The following SLC1A1 variants were observed in gnomAD, a reference collection of about 807,000 sequenced individuals.
The protein encoded by SLC1A1 is excitatory amino acid transporter 3.
In SLC1A1, 43 loss-of-function variants were observed where a neutral mutation model predicts 53.3. The ratio of observed to expected loss-of-function variants is 0.81; its 90% confidence interval spans 0.63 to 1.04. SLC1A1 has a LOEUF of 1.04. Ranked by LOEUF, SLC1A1 falls within the 50% of genes least tolerant of loss-of-function variation. The probability of loss-of-function intolerance (pLI) is 0.00; values close to 1 mark genes in which losing one functional copy is unlikely to be tolerated. For synonymous variants in SLC1A1, 307 were observed against 243.2 expected (o/e 1.26, Z -2.44); for missense variants, 748 against 664.9 (o/e 1.12, Z -1.37).
At chr9:4,548,360 C>T (rs140979790) in intron 2 of SLC1A1, among the ~76,000 whole-genome samples, 64 of 152,184 alleles carry the variant, frequency 4.2e-4, no homozygotes, top group African/African-American at 1.3e-3. Context: ...GTTATTAGGC[C>T]GAAGGAGGAT....
At chr9:4,576,390 A>G (rs921341483) in intron 9 of SLC1A1, among the ~76,000 whole-genome samples, 179 bp from the exon 10 acceptor site, 6 of 152,242 alleles carry the variant, frequency 3.9e-5, no homozygotes, top group Admixed American at 2.6e-4. Context: ...GGACCTGCCT[A>G]AAGGGCTAGC....
intron 1 of SLC1A1, among the ~76,000 whole-genome samples, chr9:4,536,936 T>C (rs552869332): frequency 0.02 from 2,998 of 150,784 alleles, 110 homozygotes; most frequent in African/African-American, 0.072. Flanking sequence ...AGCAAACTAT[T>C]GCAAGGACAA....
chr9:4,533,872 G>C lies in SLC1A1; in HGVS notation c.92-10695G>C, dbSNP rs539515982. 1.1e-3 allele frequency among the ~76,000 whole-genome samples: 172 copies of C among 152,298 alleles called. 1 individual carries two copies. Among genetic ancestry groups the C allele is most frequent in the African/African-American group, 3.7e-3 (153 of 41,568 alleles). On this transcript the variant is annotated intron_variant, in intron 1 of 11. Transcript: ENST00000262352. Reference sequence around the variant, plus strand: ...ATAACAAACTGTCTCTCAGACCACAGTGCAATCAAACTAGAACTCAGGATT... The same window carrying C: ...ATAACAAACTGTCTCTCAGACCACACTGCAATCAAACTAGAACTCAGGATT...
Position 4,585,741 on chromosome 9 carries a change from T to G in SLC1A1, c.*183T>G. ...TGCGCTCTGGGTTTTGGGATTTGGGTGTGGGGTAAGTTGAAGGGAAATCAA... is the reference window on the plus strand; with the variant it reads ...TGCGCTCTGGGTTTTGGGATTTGGGGGTGGGGTAAGTTGAAGGGAAATCAA... On this transcript the variant is annotated 3_prime_UTR_variant, in exon 12 of 12. Coordinates refer to ENST00000262352, the MANE Select transcript of SLC1A1 (RefSeq NM_004170.6). 1 of 718,884 alleles carries G rather than the reference T, an allele frequency of 1.4e-6. No homozygotes were observed. Among genetic ancestry groups the G allele is most frequent in the Non-Finnish European group, 2.3e-6 (1 of 438,558 alleles). 44.5% of individuals were successfully genotyped at this position (718,884 alleles called of 1,614,324 possible). A position where few individuals can be genotyped will look rare whatever the true frequency, so the allele number is the denominator to read the frequency against.
Position 4,566,069 on chromosome 9 carries a change from G to C in SLC1A1, c.463G>C (p.Val155Leu), listed in dbSNP as rs761206305. Reference sequence around the variant, plus strand: ...CAGGAATATGTTCCCTGAGAATCTTGTCCAGGCCTGTTTTCAGCAGGTAAT... The same window carrying C: ...CAGGAATATGTTCCCTGAGAATCTTCTCCAGGCCTGTTTTCAGCAGGTAAT... ...LIRNMFPENL[V>L]QACFQQYKTK... is the part of the protein sequence containing the mutation. The change falls in exon 5 of 12, where the codon GTC becomes CTC. Residue 155 changes from valine (V) to leucine (L), a missense_variant. Physicochemically the swap from Val to Leu is conservative, Grantham distance 32 (BLOSUM62 1). Coordinates refer to ENST00000262352, the MANE Select transcript of SLC1A1 (RefSeq NM_004170.6). 47 of 1,613,338 alleles carry C rather than the reference G, an allele frequency of 2.9e-5. No individual in the cohort carries two copies. The Admixed American group carries it at 3.3e-4, about 11-fold the overall frequency.
intron 1 of SLC1A1, among the ~76,000 whole-genome samples, chr9:4,517,263 C>T (rs78930103): frequency 2.0e-5 from 3 of 152,170 alleles, no homozygotes; most frequent in Admixed American, 1.3e-4. Flanking sequence ...ATCTAAAATT[C>T]TTTCTTAATC....
At chr9:4,564,815 G>A (rs1485360350) in intron 4 of SLC1A1, among the ~76,000 whole-genome samples, 2 of 152,098 alleles carry the variant, frequency 1.3e-5, no homozygotes, top group African/African-American at 2.4e-5. Flanking sequence ...GCAACCAGAG[G>A]GGTAAATAGG....
chr9:4,491,033 G>C (rs1586679774), intron 1 of SLC1A1, among the ~76,000 whole-genome samples: 1 of 152,214 alleles, frequency 6.6e-6, no homozygotes, highest in African/African-American at 2.4e-5. Flanking sequence ...GATCAAAGGG[G>C]CTTGGGGGTA....
intron 1 of SLC1A1, among the ~76,000 whole-genome samples, chr9:4,536,254 G>C (rs536921843): frequency 2.6e-5 from 4 of 152,126 alleles, no homozygotes; most frequent in Non-Finnish European, 5.9e-5. Flanking sequence ...AGAGTGAATA[G>C]GCAACCTACA....
intron 2 of SLC1A1, among the ~76,000 whole-genome samples, chr9:4,548,064 TG>T (rs1172505626): frequency 1.3e-5 from 2 of 152,216 alleles, no homozygotes; most frequent in Non-Finnish European, 2.9e-5. Context: ...CATTTTCAAC[TG>T]AACCTGTGTT....
chr9:4,506,262 A>C (rs970737978), intron 1 of SLC1A1, among the ~76,000 whole-genome samples: 3 of 152,202 alleles, frequency 2.0e-5, no homozygotes, highest in Non-Finnish European at 2.9e-5. Flanking sequence ...CGGCCAAATT[A>C]CTATGAAATT....
intron 5 of SLC1A1, among the ~76,000 whole-genome samples, chr9:4,566,317 CT>C (rs58688972): frequency 3.3e-5 from 5 of 152,108 alleles, no homozygotes; most frequent in African/African-American, 1.2e-4. Flanking sequence ...TTCCTTTATG[CT>C]TTTTCCCCCA....
At chr9:4,535,747 C>G (rs1339888015) in intron 1 of SLC1A1, among the ~76,000 whole-genome samples, 1 of 152,050 alleles carries the variant, frequency 6.6e-6, no homozygotes, top group African/African-American at 2.4e-5. Flanking sequence ...GCCCACATTG[C>G]CAAGTCAATC....
chr9:4,529,690 T>TGTG (rs1564010478), intron 1 of SLC1A1, among the ~76,000 whole-genome samples: 3,282 of 151,380 alleles, frequency 0.022, 119 homozygotes, highest in African/African-American at 0.077. Flanking sequence ...ATGAAACTTT[T>TGTG]TTTGTGTGTG....
chr9:4,540,782 T>A (rs993802986), intron 1 of SLC1A1, among the ~76,000 whole-genome samples: 1 of 152,222 alleles, frequency 6.6e-6, no homozygotes, highest in Non-Finnish European at 1.5e-5. Context: ...ATTTCCTGCT[T>A]CAAAAGCACA....
At chr9:4,541,219 G>A (rs1452339132) in intron 1 of SLC1A1, among the ~76,000 whole-genome samples, 1 of 152,188 alleles carries the variant, frequency 6.6e-6, no homozygotes, top group Non-Finnish European at 1.5e-5. Flanking sequence ...TCAGAATCCA[G>A]TTTTAAAGAG....
intron 8 of SLC1A1, among the ~76,000 whole-genome samples, chr9:4,574,388 T>C (rs1253519821): frequency 2.6e-5 from 4 of 152,196 alleles, no homozygotes; most frequent in African/African-American, 9.6e-5. Flanking sequence ...CCATGTACCC[T>C]GAACCTGAAA....
chr9:4,552,563 G>T (rs1487311255), intron 2 of SLC1A1, among the ~76,000 whole-genome samples: 1 of 152,082 alleles, frequency 6.6e-6, no homozygotes, highest in Non-Finnish European at 1.5e-5. Context: ...ACTTGAGCCT[G>T]CAGGCGAGGG....
Position 4,514,760 on chromosome 9 carries a change from A to C in SLC1A1, c.91+23990A>C, listed in dbSNP as rs114576021. 5.3e-3 allele frequency among the ~76,000 whole-genome samples: 814 copies of C among 152,252 alleles called. 8 individuals carry two copies. Among genetic ancestry groups the C allele is most frequent in the African/African-American group, 0.019 (770 of 41,530 alleles). On this transcript the variant is annotated intron_variant, in intron 1 of 11. Transcript: ENST00000262352. ...TCCGCCAGATTTGCATCCTGGAAAG[A>C]TAGCTCTGACTTAGTTTGCAGAATG...
Sources: gnomAD v4.1 joint callset for allele counts (sites outside exome capture counted in the v4.1 genomes callset) on GRCh38, gnomAD v4.1.1 for gene constraint, MANE v1.5 for transcripts, NCBI Gene and HGNC (gene_info 2026-07-23, HGNC 2026-07-21) for gene names.